The following SMAD3 variants were observed in gnomAD, a reference collection of about 807,000 sequenced individuals.
The protein encoded by SMAD3 is MAD homolog 3.
In SMAD3, 12 loss-of-function variants were observed where a neutral mutation model predicts 51.8. That is an observed-to-expected ratio of 0.23 (90% CI 0.15 to 0.38). The LOEUF (loss-of-function observed/expected upper bound fraction) is 0.38. SMAD3 is among the 10% of genes least tolerant of loss of function. The probability of loss-of-function intolerance (pLI) is 1.00; values close to 1 mark genes in which losing one functional copy is unlikely to be tolerated. For synonymous variants in SMAD3, 238 were observed against 227.7 expected (o/e 1.05, Z -0.41); for missense variants, 294 against 565.6 (o/e 0.52, Z 4.87).
chr15:67,101,754 T>G (rs1960762913), intron 1 of SMAD3, among the ~76,000 whole-genome samples: 1 of 152,256 alleles, frequency 6.6e-6, no homozygotes, highest in South Asian at 2.1e-4. Flanking sequence ...GTTGTTCACA[T>G]TCAGAGTCCT....
chr15:67,163,522 C>T (rs767289063), intron 1 of SMAD3, among the ~76,000 whole-genome samples: 21 of 152,190 alleles, frequency 1.4e-4, no homozygotes, highest in Admixed American at 2.6e-4. Context: ...ATGCTTTTGC[C>T]GCCCCAAGCT....
intron 1 of SMAD3, among the ~76,000 whole-genome samples, chr15:67,069,447 G>A (rs16950553): frequency 0.12 from 17,712 of 152,192 alleles, 1,158 homozygotes; most frequent in South Asian, 0.22. Flanking sequence ...CTGAATGAGA[G>A]TTGGTGTGTG....
rs142827677 is a variant in SMAD3, at chr15:67,191,554, C to A, written c.*1018C>A. 5 of 233,216 alleles carry A rather than the reference C, an allele frequency of 2.1e-5. No homozygotes were observed. The Admixed American group carries it at 2.2e-4, about 10-fold the overall frequency. The allele number at this position is 233,216 out of a possible 1,614,324, so 14.4% of individuals were successfully genotyped here. A position where few individuals can be genotyped will look rare whatever the true frequency, so the allele number is the denominator to read the frequency against. ...TGGTTTATATATTTTCTTTAAAAAT[C>A]CTGGGCTGGCACATTGACTGGGAAA... On this transcript the variant is annotated 3_prime_UTR_variant, in exon 9 of 9. Transcript: ENST00000327367.
chr15:67,083,902 G>A (rs1237622711), intron 1 of SMAD3, among the ~76,000 whole-genome samples: 1 of 152,074 alleles, frequency 6.6e-6, no homozygotes, highest in African/African-American at 2.4e-5. Context: ...CTGTTTTCTG[G>A]GTGAGGTTGA....
intron 1 of SMAD3, among the ~76,000 whole-genome samples, chr15:67,099,644 C>T (rs751574899): frequency 6.6e-5 from 10 of 152,180 alleles, no homozygotes; most frequent in Non-Finnish European, 1.5e-4. Flanking sequence ...CTGGATGACA[C>T]CTCCAGCCTA....
chr15:67,098,781 G>A (rs1960678051), intron 1 of SMAD3: 8 of 660,696 alleles, frequency 1.2e-5, no homozygotes, highest in Admixed American at 6.4e-5. Flanking sequence ...AGGTGGAAGT[G>A]GGCATGGAGG....
At chr15:67,098,984 A>G in intron 1 of SMAD3, 1 of 702,410 alleles carries the variant, frequency 1.4e-6, no homozygotes, top group East Asian at 2.7e-5. Flanking sequence ...TTTTGCCCCA[A>G]ACTGTGGACA....
chr15:67,183,027 ATATATTTTTTT>A (rs1472224764), intron 6 of SMAD3, among the ~76,000 whole-genome samples: 17 of 63,854 alleles, frequency 2.7e-4, no homozygotes, highest in African/African-American at 5.3e-4. Context: ...ATATATATAT[ATATATTTTTTT>A]TTTTTTTTTT....
chr15:67,079,268 G>T (rs1595888041), intron 1 of SMAD3, among the ~76,000 whole-genome samples: 1 of 152,046 alleles, frequency 6.6e-6, no homozygotes, highest in Non-Finnish European at 1.5e-5. Flanking sequence ...GTAAGCCACC[G>T]CACCTCGCCC....
intron 1 of SMAD3, chr15:67,125,600 A>T: frequency 3.9e-6 from 2 of 516,538 alleles, no homozygotes; most frequent in Non-Finnish European, 5.0e-6. Flanking sequence ...TAACAGAGAC[A>T]TCTGTGATGG....
intron 1 of SMAD3, among the ~76,000 whole-genome samples, chr15:67,114,274 A>G (rs1961087955): frequency 1.3e-5 from 2 of 152,278 alleles, no homozygotes; most frequent in South Asian, 4.1e-4. Flanking sequence ...CCCGATGGAA[A>G]TATCCAGCAT....
Position 67,170,730 on chromosome 15 carries a change from C to G in SMAD3, c.658+126C>G. The G allele has an allele frequency of 3.8e-6, 3 of 799,984 alleles. No homozygotes were observed. In the East Asian group the frequency reaches 7.5e-5, roughly 20 times the overall value. 49.6% of individuals were successfully genotyped at this position (799,984 alleles called of 1,614,324 possible). On this transcript the variant is annotated intron_variant, in intron 5 of 8. Coordinates refer to ENST00000327367, the MANE Select transcript of SMAD3 (RefSeq NM_005902.4). ...ACCCCTACCATCAGCCCAGCTCAGC[C>G]CATCAGGTTTCTGGTTACGGTGATG... is the stretch of plus-strand genomic sequence containing the variant.
In SMAD3 at chr15:67,072,110, T is replaced by C. The variant is rs1326159036; in HGVS notation, c.206+5750T>C. Among the ~76,000 whole-genome samples the C allele has an allele frequency of 2.0e-5, 3 of 152,250 alleles. No individual in the cohort carries two copies. The East Asian group carries it at 5.8e-4, about 29-fold the overall frequency. ...AAATTGAAAGAATTTGTTTCAAGCTTATCACATCAGGAATCCAACTAAATG... is the reference window on the plus strand; with the variant it reads ...AAATTGAAAGAATTTGTTTCAAGCTCATCACATCAGGAATCCAACTAAATG... On this transcript the variant is annotated intron_variant, in intron 1 of 8. Coordinates refer to ENST00000327367, the MANE Select transcript of SMAD3 (RefSeq NM_005902.4).
intron 5 of SMAD3, among the ~76,000 whole-genome samples, chr15:67,178,308 C>A (rs536064605): frequency 6.6e-6 from 1 of 152,138 alleles, no homozygotes; most frequent in Non-Finnish European, 1.5e-5. Flanking sequence ...GCTGGGTTGC[C>A]GTTCCTGGGA....
chr15:67,171,321 C>A (rs903577169), intron 5 of SMAD3, among the ~76,000 whole-genome samples: 3 of 152,168 alleles, frequency 2.0e-5, no homozygotes, highest in Non-Finnish European at 4.4e-5. Context: ...CGCAACATCC[C>A]TCCATGGTTA....
At chr15:67,132,012 T>A (rs113548120) in intron 1 of SMAD3, among the ~76,000 whole-genome samples, 123 of 152,256 alleles carry the variant, frequency 8.1e-4, no homozygotes, top group Middle Eastern at 6.8e-3. Context: ...TGTTGTCCTG[T>A]CTCTGTTGGG....
At chr15:67,127,291 G>A (rs1276940651) in intron 1 of SMAD3, among the ~76,000 whole-genome samples, 2 of 152,180 alleles carry the variant, frequency 1.3e-5, no homozygotes, top group Non-Finnish European at 2.9e-5. Flanking sequence ...CTCTGTTTCT[G>A]CAGTGCCTCC....
chr15:67,090,695 C>T (rs1960490902), intron 1 of SMAD3, among the ~76,000 whole-genome samples: 2 of 152,146 alleles, frequency 1.3e-5, no homozygotes, highest in African/African-American at 2.4e-5. Flanking sequence ...GGTAGACTCA[C>T]ATTTCACTGA....
In SMAD3 at chr15:67,165,390, C is replaced by T; in HGVS notation, c.532+6C>T. ...GCCCCAGAGCAATATTCCAGGTAGG[C>T]ACGTGGGCGGCACAGGCTGGCCTGG... On this transcript the variant is annotated splice_donor_region_variant and intron_variant, in intron 3 of 8. Coordinates refer to ENST00000327367, the MANE Select transcript of SMAD3 (RefSeq NM_005902.4). 6.2e-7 allele frequency: 1 copy of T among 1,613,986 alleles called. No individual in the cohort carries two copies. The highest frequency in any genetic ancestry group is 8.5e-7 in the Non-Finnish European group (1 of 1,179,944).
Sources: gnomAD v4.1 joint callset for allele counts (sites outside exome capture counted in the v4.1 genomes callset) on GRCh38, gnomAD v4.1.1 for gene constraint, MANE v1.5 for transcripts, NCBI Gene and HGNC (gene_info 2026-07-23, HGNC 2026-07-21) for gene names.